OTOGL: variants seen among roughly 807,000 people sequenced by gnomAD.
The protein encoded by OTOGL is otogelin-like protein.
Under a neutral mutation model 318.5 loss-of-function variants are expected in OTOGL, and 285 were observed. The ratio of observed to expected loss-of-function variants is 0.89; its 90% confidence interval spans 0.81 to 0.99. The LOEUF (loss-of-function observed/expected upper bound fraction) is 0.99, where lower values mean the gene tolerates loss of function less well. OTOGL is among the 50% of genes least tolerant of loss of function. The pLI is 0.00. For missense variants in OTOGL, 2,899 were observed against 2,845.6 expected (o/e 1.02, Z -0.43); for synonymous variants, 987 against 936.5 (o/e 1.05, Z -0.99).
chr12:80,294,772 A>G lies in OTOGL; in HGVS notation c.2929-2055A>G, dbSNP rs1015757766. Among the ~76,000 whole-genome samples the G allele has an allele frequency of 3.9e-5, 6 of 152,312 alleles. 1 individual carries two copies. The highest frequency in any genetic ancestry group is 3.9e-4 in the Admixed American group (6 of 15,302). On this transcript the variant is annotated intron_variant, in intron 26 of 58. Transcript: ENST00000547103. ...ATATTGCCAGTGTTGTGAAAAACTA[A>G]GTGTGAAGAATTTACATCAAGACCT...
At chr12:80,139,634 T>C (rs559698404) in intron 1 of OTOGL, among the ~76,000 whole-genome samples, 31 of 152,294 alleles carry the variant, frequency 2.0e-4, no homozygotes, top group African/African-American at 7.2e-4. Flanking sequence ...TTTATTCAAA[T>C]TCAAGCTCTT....
chr12:80,371,071 G>A (rs1226190106), intron 56 of OTOGL, among the ~76,000 whole-genome samples: 2 of 151,994 alleles, frequency 1.3e-5, no homozygotes, highest in Non-Finnish European at 2.9e-5. Context: ...TGTAATGCAT[G>A]CTGGCCTGTA....
intron 11 of OTOGL, among the ~76,000 whole-genome samples, chr12:80,250,038 G>A (rs192721831): frequency 8.7e-4 from 133 of 152,012 alleles, no homozygotes; most frequent in African/African-American, 2.9e-3. Context: ...CACGGTGCGC[G>A]CACCCACTGA....
intron 1 of OTOGL, chr12:80,132,225 T>C (rs537072364): frequency 6.6e-6 from 1 of 152,372 alleles, no homozygotes; most frequent in East Asian, 1.9e-4. Context: ...TGAACCTTTA[T>C]AGTCTGATTA....
At position 80,318,713 on chromosome 12, in the gene OTOGL, T is replaced by G; in HGVS notation, c.3802T>G (p.Ser1268Ala). The G allele has an allele frequency of 8.0e-7, 1 of 1,252,244 alleles. No individual in the cohort carries two copies. The highest frequency in any genetic ancestry group is 1.6e-5 in the African/African-American group (1 of 64,228). 77.6% of individuals were successfully genotyped at this position (1,252,244 alleles called of 1,614,324 possible). A position where few individuals can be genotyped will look rare whatever the true frequency, so the allele number is the denominator to read the frequency against. The change falls in exon 33 of 59, where the codon TCA (serine) becomes GCA (alanine). Residue 1268 changes from serine to alanine, a missense_variant and splice_region_variant. This residue lies in a region of OTOGL where 2,607 missense variants were observed against 2,524.9 expected (regional missense o/e 1.03). Transcript: ENST00000547103. Reference sequence around the variant, plus strand: ...AGGCCTTTTCAAAGAGAAGGTATCATGTAAGTATAATTGAAAATAAGAGTT... The same window carrying G: ...AGGCCTTTTCAAAGAGAAGGTATCAGGTAAGTATAATTGAAAATAAGAGTT... The part of the protein sequence containing the change: ...TPGLFKEKVS[S>A]LALVSLESAE...
intron 27 of OTOGL, among the ~76,000 whole-genome samples, chr12:80,299,168 A>C (rs1203073374): frequency 6.6e-6 from 1 of 152,230 alleles, no homozygotes; most frequent in Non-Finnish European, 1.5e-5. Flanking sequence ...ACTATGTTTC[A>C]GTCAGAAACA....
At chr12:80,354,422 C>G (rs1195867803) in intron 46 of OTOGL, among the ~76,000 whole-genome samples, 1 of 151,966 alleles carries the variant, frequency 6.6e-6, no homozygotes, top group Non-Finnish European at 1.5e-5. Context: ...TCTCTTAGAG[C>G]AACACAAAAT....
intron 1 of OTOGL, among the ~76,000 whole-genome samples, chr12:80,136,973 T>C (rs1056321070): frequency 4.6e-5 from 7 of 152,186 alleles, no homozygotes; most frequent in South Asian, 2.1e-4. Flanking sequence ...ACTTAGCACA[T>C]GATAGTGTTA....
In OTOGL at chr12:80,355,878, T is replaced by C. The variant is rs368807465; in HGVS notation, c.5736T>C (p.Val1912=). Residue 1912 remains valine (V), a synonymous_variant, in exon 47 of 59, where the codon GTT becomes GTC. Transcript: ENST00000547103. ...EPDCDEEPTP[V]CEREAEVVMG... is the part of the protein sequence containing the mutation. ...ACTGTGATGAAGAGCCCACGCCAGT[T>C]TGTGAACGAGAAGCTGAAGTTGTCA... 476 of 1,613,784 alleles carry C rather than the reference T, an allele frequency of 2.9e-4. 1 individual carries two copies. The highest frequency in any genetic ancestry group is 3.5e-4 in the Non-Finnish European group (413 of 1,179,832).
intron 44 of OTOGL, among the ~76,000 whole-genome samples, chr12:80,345,894 A>G (rs1157501218): frequency 6.6e-6 from 1 of 152,202 alleles, no homozygotes; most frequent in Non-Finnish European, 1.5e-5. Flanking sequence ...CTTTAGCTGC[A>G]TTCTGGTCAT....
intron 2 of OTOGL, 65 bp downstream of exon 2, chr12:80,209,575 A>C: frequency 8.7e-7 from 1 of 1,144,784 alleles, no homozygotes; most frequent in Non-Finnish European, 1.2e-6. Context: ...CAATTTATAC[A>C]AATAGTTTTC....
intron 1 of OTOGL, among the ~76,000 whole-genome samples, chr12:80,153,742 A>G (rs1872936377): frequency 6.6e-6 from 1 of 152,092 alleles, no homozygotes; most frequent in Non-Finnish European, 1.5e-5. Flanking sequence ...CCTGGCAACC[A>G]CAGATATTTT....
rs1280670678 is a variant in OTOGL, at chr12:80,308,646, G to T, written c.3334-1965G>T. ...GGAGGTGGAGGTTGTAGCGAGCCGAGATCAGGCCACTGCACTCCAGCCTGG... is the reference window on the plus strand; with the variant it reads ...GGAGGTGGAGGTTGTAGCGAGCCGATATCAGGCCACTGCACTCCAGCCTGG... On this transcript the variant is annotated intron_variant, in intron 29 of 58. Coordinates refer to ENST00000547103, the MANE Select transcript of OTOGL (RefSeq NM_001378609.3). Among the ~76,000 whole-genome samples, 6 of 152,196 alleles carry T rather than the reference G, an allele frequency of 3.9e-5. No individual in the cohort carries two copies. In the East Asian group the frequency reaches 1.2e-3, roughly 29 times the overall value.
chr12:80,261,733 A>G (rs1032252913), intron 18 of OTOGL, among the ~76,000 whole-genome samples: 2 of 152,132 alleles, frequency 1.3e-5, no homozygotes, highest in African/African-American at 4.8e-5. Context: ...TGTTTTTCTT[A>G]TAAGTTTGAG....
chr12:80,327,676 C>T (rs528938558), intron 35 of OTOGL, among the ~76,000 whole-genome samples: 13 of 151,350 alleles, frequency 8.6e-5, no homozygotes, highest in East Asian at 2.0e-4. Context: ...GAGTGGAAAG[C>T]GGGCCGGGCA....
chr12:80,256,623 T>A (rs944905369), intron 17 of OTOGL, among the ~76,000 whole-genome samples, 163 bp downstream of exon 17: 4 of 152,132 alleles, frequency 2.6e-5, no homozygotes, highest in Admixed American at 6.6e-5. Flanking sequence ...CAGATAGTGA[T>A]GATGATTATG....
At chr12:80,274,183 T>C (rs972735907) in intron 24 of OTOGL, among the ~76,000 whole-genome samples, 1 of 152,062 alleles carries the variant, frequency 6.6e-6, no homozygotes, top group African/African-American at 2.4e-5. Flanking sequence ...GGAAGGCATA[T>C]TGAAAGCTGA....
In OTOGL at chr12:80,278,329, C is replaced by G. The variant is rs1883963986; in HGVS notation, c.2789+54C>G. 9.8e-6 allele frequency: 13 copies of G among 1,329,318 alleles called. No individual in the cohort carries two copies. In the East Asian group the frequency reaches 3.3e-4, roughly 34 times the overall value. 82.3% of individuals were successfully genotyped at this position (1,329,318 alleles called of 1,614,324 possible). A position where few individuals can be genotyped will look rare whatever the true frequency, so the allele number is the denominator to read the frequency against. On this transcript the variant is annotated intron_variant, in intron 25 of 58. Transcript: ENST00000547103. ...TTTTCCTAAGTAATTGTGTAAATTT[C>G]AATCATCTTTTATTTATTTAATGAG...
intron 1 of OTOGL, among the ~76,000 whole-genome samples, chr12:80,114,717 T>G (rs1003564890): frequency 3.9e-5 from 6 of 152,298 alleles, no homozygotes; most frequent in African/African-American, 1.4e-4. Context: ...TTTTTTCAAC[T>G]TGGTTCCATT....
Sources: gnomAD v4.1 joint callset for allele counts (sites outside exome capture counted in the v4.1 genomes callset) on GRCh38, gnomAD v4.1.1 for gene constraint, gnomAD v4.1.1 regional missense constraint, MANE v1.5 for transcripts, NCBI Gene and HGNC (gene_info 2026-07-23, HGNC 2026-07-21) for gene names.